PTGFR: variants seen among roughly 807,000 people sequenced by gnomAD.
The protein encoded by PTGFR is prostaglandin F receptor, also known as prostaglandin F2-alpha receptor.
Under a neutral mutation model 26.2 loss-of-function variants are expected in PTGFR, and 15 were observed. The observed-to-expected ratio is 0.57, with a 90% confidence interval of 0.38 to 0.88. The LOEUF is 0.88. PTGFR is among the 40% of genes least tolerant of loss of function. The pLI is 0.00. For synonymous variants in PTGFR, 165 were observed against 151.1 expected, an observed-to-expected ratio of 1.09 and a Z score of -0.68; for missense variants, 369 against 427.2, an observed-to-expected ratio of 0.86 and a Z score of 1.20.
At chr1:78,528,294 CAAAAAAAAAAAAAAA>C (rs35137595) in intron 2 of PTGFR, among the ~76,000 whole-genome samples, 6 of 20,118 alleles carry the variant, frequency 3.0e-4, no homozygotes, top group Admixed American at 7.9e-4. Flanking sequence ...AGAAAGTTAG[CAAAAAAAAAAAAAAA>C]AAAAAAAAAA....
intron 2 of PTGFR, among the ~76,000 whole-genome samples, chr1:78,498,396 C>T (rs1557647912): frequency 6.6e-6 from 1 of 151,792 alleles, no homozygotes; most frequent in African/African-American, 2.4e-5. Context: ...TAAATGTGTA[C>T]ATATATATAT....
chr1:78,531,581 A>T (rs1038898511), intron 2 of PTGFR, among the ~76,000 whole-genome samples: 2 of 152,212 alleles, frequency 1.3e-5, no homozygotes, highest in African/African-American at 4.8e-5. Context: ...GTTAAAGGTC[A>T]TAGAGAGTCT....
intron 2 of PTGFR, among the ~76,000 whole-genome samples, chr1:78,520,999 C>G (rs748937075): frequency 3.3e-5 from 5 of 152,062 alleles, no homozygotes; most frequent in Non-Finnish European, 7.4e-5. Flanking sequence ...CTGAGCTACG[C>G]TTTTTAATCC....
chr1:78,496,555 G>A (rs536413754), intron 2 of PTGFR, among the ~76,000 whole-genome samples: 2 of 152,258 alleles, frequency 1.3e-5, no homozygotes, highest in Admixed American at 1.3e-4. Flanking sequence ...TCTCAAACTG[G>A]AACGAAGGTA....
At chr1:78,495,451 G>C (rs1417481658) in intron 2 of PTGFR, among the ~76,000 whole-genome samples, 1 of 152,202 alleles carries the variant, frequency 6.6e-6, no homozygotes, top group Non-Finnish European at 1.5e-5. Flanking sequence ...TGAGTGAGTT[G>C]AAATGAATTT....
chr1:78,520,189 C>T (rs1034803257), intron 2 of PTGFR, among the ~76,000 whole-genome samples: 1 of 152,062 alleles, frequency 6.6e-6, no homozygotes, highest in Non-Finnish European at 1.5e-5. Context: ...ACTGGTTAAA[C>T]AACCAGAGAA....
chr1:78,531,817 A>C (rs1251824163), intron 2 of PTGFR, among the ~76,000 whole-genome samples: 2 of 152,102 alleles, frequency 1.3e-5, no homozygotes, highest in African/African-American at 4.8e-5. Flanking sequence ...AAAGTAGAGG[A>C]GTAGGATTTG....
At chr1:78,509,867 C>A (rs751812899) in intron 2 of PTGFR, among the ~76,000 whole-genome samples, 8 of 152,134 alleles carry the variant, frequency 5.3e-5, no homozygotes, top group Non-Finnish European at 8.8e-5. Context: ...GACTGAATGA[C>A]CTATTTTACC....
rs1454906534 is a variant in PTGFR at position 78,536,773 on chromosome 1, T to G, written c.*86T>G. 1.4e-6 allele frequency: 2 copies of G among 1,393,104 alleles called. No individual in the cohort carries two copies. Among genetic ancestry groups the G allele is most frequent in the Non-Finnish European group, 1.9e-6 (2 of 1,047,772 alleles). 86.3% of individuals were successfully genotyped at this position (1,393,104 alleles called of 1,614,324 possible). ...TTCAGTTAGTTAAATACCTGTAGCC[T>G]AACTGGAAAATTCAGGCTTCATCAT... On this transcript the variant is annotated 3_prime_UTR_variant, in exon 3 of 3. Coordinates refer to ENST00000370757, the MANE Select transcript of PTGFR (RefSeq NM_000959.4).
chr1:78,515,685 T>C (rs1013802568), intron 2 of PTGFR, among the ~76,000 whole-genome samples: 1 of 152,240 alleles, frequency 6.6e-6, no homozygotes, highest in African/African-American at 2.4e-5. Context: ...CTTGTATTTA[T>C]CTCTCTGTAG....
chr1:78,514,615 G>A (rs1650050648), intron 2 of PTGFR, among the ~76,000 whole-genome samples: 1 of 152,156 alleles, frequency 6.6e-6, no homozygotes, highest in Non-Finnish European at 1.5e-5. Flanking sequence ...AGGCTTGACT[G>A]TATTTTGAAA....
intron 2 of PTGFR, among the ~76,000 whole-genome samples, chr1:78,524,921 T>C (rs1175301893): frequency 2.2e-5 from 3 of 136,408 alleles, no homozygotes; most frequent in East Asian, 2.0e-4. Context: ...TTTTTTTTTT[T>C]TTTTTTTTTT....
At chr1:78,495,035 T>C (rs1338679029) in intron 2 of PTGFR, among the ~76,000 whole-genome samples, 1 of 152,248 alleles carries the variant, frequency 6.6e-6, no homozygotes, top group African/African-American at 2.4e-5. Flanking sequence ...TCTCTAATAT[T>C]TTAAAAATTT....
chr1:78,530,985 A>T (rs938637193), intron 2 of PTGFR, among the ~76,000 whole-genome samples: 1 of 152,148 alleles, frequency 6.6e-6, no homozygotes, highest in African/African-American at 2.4e-5. Context: ...ATACAAAGTG[A>T]TAACATGACT....
At chr1:78,509,684 C>T (rs1164318239) in intron 2 of PTGFR, among the ~76,000 whole-genome samples, 1 of 152,162 alleles carries the variant, frequency 6.6e-6, no homozygotes, top group Non-Finnish European at 1.5e-5. Flanking sequence ...ATCTATGTAG[C>T]AGTAATTTCC....
At chr1:78,521,374 C>A (rs921680121) in intron 2 of PTGFR, among the ~76,000 whole-genome samples, 7 of 152,054 alleles carry the variant, frequency 4.6e-5, no homozygotes, top group African/African-American at 9.7e-5. Flanking sequence ...GGCTGAACTA[C>A]TTGATTATTG....
intron 2 of PTGFR, among the ~76,000 whole-genome samples, chr1:78,532,002 G>A (rs1341785954): frequency 6.6e-6 from 1 of 151,992 alleles, no homozygotes; most frequent in African/African-American, 2.4e-5. Flanking sequence ...CAGCTACAGA[G>A]AGATCAAGAA....
At position 78,536,525 on chromosome 1, in the gene PTGFR, T is replaced by C. The variant is rs778199209; in HGVS notation, c.918T>C (p.Leu306=). ...TCTTAGATCCTTGGGTATATATTCT[T>C]CTACGAAAGGCTGTCCTTAAGAATC... ...NQILDPWVYI[L]LRKAVLKNLY... is the part of the protein sequence containing the mutation. Residue 306 remains leucine, a synonymous_variant, in exon 3 of 3, where the codon CTT becomes CTC. Coordinates refer to ENST00000370757, the MANE Select transcript of PTGFR (RefSeq NM_000959.4). The C allele has an allele frequency of 1.2e-6, 2 of 1,613,414 alleles. No individual in the cohort carries two copies. The highest frequency in any genetic ancestry group is 1.7e-6 in the Non-Finnish European group (2 of 1,179,520).
intron 2 of PTGFR, among the ~76,000 whole-genome samples, chr1:78,513,904 C>T (rs1650030716): frequency 1.3e-5 from 2 of 152,360 alleles, no homozygotes; most frequent in Non-Finnish European, 2.9e-5. Context: ...AGCCTATGGC[C>T]TTAGCATCTT....
Sources: gnomAD v4.1 joint callset for allele counts (sites outside exome capture counted in the v4.1 genomes callset) on GRCh38, gnomAD v4.1.1 for gene constraint, MANE v1.5 for transcripts, NCBI Gene and HGNC (gene_info 2026-07-23, HGNC 2026-07-21) for gene names.